The following UNC5D variants were observed in gnomAD, a reference collection of about 807,000 sequenced individuals.
The protein encoded by UNC5D is unc-5 netrin receptor D.
Under a neutral mutation model 105.4 loss-of-function variants are expected in UNC5D, and 39 were observed. That is an observed-to-expected ratio of 0.37 (90% CI 0.29 to 0.48). The LOEUF (loss-of-function observed/expected upper bound fraction) is 0.48. Ranked by LOEUF, UNC5D falls within the 20% of genes least tolerant of loss-of-function variation. UNC5D has a pLI of 0.98. For synonymous variants in UNC5D, 452 were observed against 450.4 expected (o/e 1.00, Z -0.04); for missense variants, 991 against 1,202.4 (o/e 0.82, Z 2.60).
intron 4 of UNC5D, among the ~76,000 whole-genome samples, chr8:35,616,756 G>T (rs1821049844): frequency 1.3e-5 from 2 of 152,272 alleles, no homozygotes; most frequent in Admixed American, 1.3e-4. Flanking sequence ...TGTGCTTAAG[G>T]TTTCTCTGAT....
intron 3 of UNC5D, among the ~76,000 whole-genome samples, chr8:35,593,046 TACACACACAC>T (rs200962371): frequency 5.2e-4 from 74 of 141,224 alleles, no homozygotes; most frequent in East Asian, 2.9e-3. Context: ...GTAGTTTTTA[TACACACACAC>T]ACACACACAC....
At chr8:35,513,119 C>A (rs1248820804) in intron 1 of UNC5D, among the ~76,000 whole-genome samples, 1 of 152,120 alleles carries the variant, frequency 6.6e-6, no homozygotes, top group Non-Finnish European at 1.5e-5. Flanking sequence ...AGGCTCCCAC[C>A]TCTGGGACTT....
rs900654592 is a variant in UNC5D at position 35,348,002 on chromosome 8, A to G, written c.103+112115A>G. 3.2e-4 allele frequency among the ~76,000 whole-genome samples: 49 copies of G among 152,110 alleles called. 1 individual carries two copies. The highest frequency in any genetic ancestry group is 2.4e-3 in the Admixed American group (37 of 15,228). On this transcript the variant is annotated intron_variant, in intron 1 of 16. Coordinates refer to ENST00000404895, the MANE Select transcript of UNC5D (RefSeq NM_080872.4). ...ATATTTCTTTAATGGAAATTCTTCAAACTGCAGAAGTAGTACCTCTTTGTT... is the reference window on the plus strand; with the variant it reads ...ATATTTCTTTAATGGAAATTCTTCAGACTGCAGAAGTAGTACCTCTTTGTT...
intron 1 of UNC5D, among the ~76,000 whole-genome samples, chr8:35,322,056 G>A (rs569448106): frequency 1.3e-5 from 2 of 152,276 alleles, no homozygotes; most frequent in East Asian, 3.9e-4. Flanking sequence ...CATAGTAGAT[G>A]TTCGCTTTTA....
At chr8:35,635,330 CT>C (rs1822298598) in intron 4 of UNC5D, among the ~76,000 whole-genome samples, 1 of 152,166 alleles carries the variant, frequency 6.6e-6, no homozygotes, top group African/African-American at 2.4e-5. Context: ...GCATCACCCA[CT>C]ATATTCATAG....
intron 1 of UNC5D, among the ~76,000 whole-genome samples, chr8:35,246,162 A>G (rs930807371): frequency 2.0e-5 from 3 of 152,174 alleles, no homozygotes; most frequent in Non-Finnish European, 1.5e-5. Context: ...CTAAATTGTC[A>G]TTAAGGCTCC....
chr8:35,736,338 T>C (rs965164241), intron 11 of UNC5D, among the ~76,000 whole-genome samples: 1 of 152,068 alleles, frequency 6.6e-6, no homozygotes, highest in Admixed American at 6.6e-5. Flanking sequence ...ACCACTTCAC[T>C]CCAGCCTGGG....
At chr8:35,737,846 C>G (rs140515057) in intron 11 of UNC5D, among the ~76,000 whole-genome samples, 1 of 152,140 alleles carries the variant, frequency 6.6e-6, no homozygotes, top group Non-Finnish European at 1.5e-5. Context: ...GTGTCTCACG[C>G]TTGTAATCCC....
chr8:35,293,053 T>G (rs1348732096), intron 1 of UNC5D, among the ~76,000 whole-genome samples: 1 of 151,958 alleles, frequency 6.6e-6, no homozygotes, highest in Non-Finnish European at 1.5e-5. Flanking sequence ...ATAAGGAAAA[T>G]AAAATATATT....
intron 7 of UNC5D, among the ~76,000 whole-genome samples, chr8:35,694,696 A>AGTGTGTGTGT (rs3077800): frequency 6.7e-6 from 1 of 149,658 alleles, no homozygotes; most frequent in African/African-American, 2.5e-5. Context: ...CAATAACTAT[A>AGTGTGTGTGT]GTGTGTGTGT....
At chr8:35,693,774 C>A (rs577495559) in intron 7 of UNC5D, among the ~76,000 whole-genome samples, 23 of 152,222 alleles carry the variant, frequency 1.5e-4, no homozygotes, top group African/African-American at 5.5e-4. Context: ...TTCCACTATG[C>A]TTGCATTCTT....
At chr8:35,596,466 C>T (rs187199099) in intron 4 of UNC5D, among the ~76,000 whole-genome samples, 34 of 152,004 alleles carry the variant, frequency 2.2e-4, no homozygotes, top group Non-Finnish European at 3.2e-4. Context: ...CCGTGAAGCC[C>T]GAAAATTTGA....
intron 1 of UNC5D, among the ~76,000 whole-genome samples, chr8:35,507,348 C>G (rs1012907169): frequency 5.3e-5 from 8 of 152,126 alleles, no homozygotes; most frequent in Admixed American, 5.2e-4. Context: ...AGCCACCGCG[C>G]CGGCCCAGGG....
chr8:35,309,822 TA>T (rs888126198), intron 1 of UNC5D, among the ~76,000 whole-genome samples: 1 of 152,164 alleles, frequency 6.6e-6, no homozygotes, highest in African/African-American at 2.4e-5. Flanking sequence ...AGTTCTGGGA[TA>T]GGGCCCAAAT....
At chr8:35,701,606 T>G (rs933690279) in intron 7 of UNC5D, among the ~76,000 whole-genome samples, 1 of 152,264 alleles carries the variant, frequency 6.6e-6, no homozygotes, top group African/African-American at 2.4e-5. Flanking sequence ...AAAAGGTAGA[T>G]TGTTCTCTTT....
chr8:35,554,885 GA>G (rs1016406042), intron 2 of UNC5D, among the ~76,000 whole-genome samples: 2 of 152,090 alleles, frequency 1.3e-5, no homozygotes, highest in African/African-American at 4.8e-5. Context: ...CATTGTGTGT[GA>G]TTTCCTTTTT....
chr8:35,760,046 T>C (rs949220598), intron 14 of UNC5D, among the ~76,000 whole-genome samples: 2 of 151,470 alleles, frequency 1.3e-5, no homozygotes, highest in African/African-American at 2.4e-5. Flanking sequence ...TTTTCTTTTT[T>C]TTTTTTTTTT....
At chr8:35,752,548 G>A (rs1024800807) in intron 13 of UNC5D, among the ~76,000 whole-genome samples, 5 of 152,064 alleles carry the variant, frequency 3.3e-5, no homozygotes, top group African/African-American at 1.2e-4. Flanking sequence ...CAAAAGGGGT[G>A]GCTTTCAAAG....
rs539788703 is a variant in UNC5D at position 35,766,287 on chromosome 8, T to G, written c.2314-615T>G. On this transcript the variant is annotated intron_variant, in intron 14 of 16. Transcript: ENST00000404895. The stretch of plus-strand genomic sequence containing the variant: ...GAAGAACTGACAAACTAGATCACTC[T>G]GGGGTGGCCCTGTATGTGTCTGTCT... Among the ~76,000 whole-genome samples the G allele has an allele frequency of 8.4e-4, 128 of 152,244 alleles. 1 individual carries two copies. The highest frequency in any genetic ancestry group is 8.8e-5 in the Non-Finnish European group (6 of 68,002).
Sources: allele counts gnomAD v4.1 joint callset (sites outside exome capture counted in the v4.1 genomes callset), GRCh38; gene constraint gnomAD v4.1.1; transcripts MANE v1.5; gene names NCBI Gene and HGNC (gene_info 2026-07-23, HGNC 2026-07-21).